Variants in KLF12 observed in about 807,000 individuals in gnomAD.
KLF12 encodes KLF transcription factor 12, also known as Krueppel-like factor 12.
In KLF12, 9 loss-of-function variants were observed where a neutral mutation model predicts 37.8. The observed-to-expected ratio is 0.24, with a 90% confidence interval of 0.14 to 0.42. The LOEUF (loss-of-function observed/expected upper bound fraction) is 0.42, where lower values mean the gene tolerates loss of function less well. Among genes scored for constraint, KLF12 ranks in the 10% least tolerant of loss-of-function variants. The probability of loss-of-function intolerance (pLI) is 1.00; values close to 1 mark genes in which losing one functional copy is unlikely to be tolerated. For synonymous variants in KLF12, 208 were observed against 202.1 expected (o/e 1.03, Z -0.25); for missense variants, 411 against 516.0 (o/e 0.80, Z 1.97).
At chr13:73,912,839 C>T (rs1022777209) in intron 3 of KLF12, among the ~76,000 whole-genome samples, 1 of 152,088 alleles carries the variant, frequency 6.6e-6, no homozygotes, top group African/African-American at 2.4e-5. Context: ...TTTTACATTC[C>T]TTCTACAATA....
chr13:73,703,743 C>T (rs946856706), intron 7 of KLF12, among the ~76,000 whole-genome samples: 5 of 152,160 alleles, frequency 3.3e-5, no homozygotes, highest in Non-Finnish European at 7.3e-5. Flanking sequence ...CCCCACTTCA[C>T]CCAGTGTCGT....
At chr13:73,879,327 G>A (rs1437908477) in intron 3 of KLF12, among the ~76,000 whole-genome samples, 2 of 152,178 alleles carry the variant, frequency 1.3e-5, no homozygotes, top group African/African-American at 2.4e-5. Context: ...GTTTGGTGAA[G>A]CCTTCCTTTA....
chr13:73,980,255 T>C (rs1033399315), intron 2 of KLF12, among the ~76,000 whole-genome samples: 10 of 152,140 alleles, frequency 6.6e-5, no homozygotes, highest in African/African-American at 2.4e-4. Context: ...AGTTCAAATT[T>C]TACCCACAAA....
the KLF12 span, among the ~76,000 whole-genome samples, chr13:74,169,899 G>C: frequency 6.6e-6 from 1 of 152,184 alleles, no homozygotes; most frequent in African/African-American, 2.4e-5. Flanking sequence ...AAGCAGCTGT[G>C]TTACACTGCC....
intron 2 of KLF12, among the ~76,000 whole-genome samples, chr13:73,984,421 G>A (rs544389208): frequency 3.4e-4 from 51 of 152,222 alleles, no homozygotes; most frequent in African/African-American, 1.0e-3. Context: ...AGGCCATGAC[G>A]CGTCTTGCTC....
At chr13:74,269,623 A>T in the KLF12 span, among the ~76,000 whole-genome samples, 368 of 152,318 alleles carry the variant, frequency 2.4e-3, 4 homozygotes, top group African/African-American at 8.2e-3. Flanking sequence ...AGAGAAGGAT[A>T]TATACAGATT....
the KLF12 span, among the ~76,000 whole-genome samples, chr13:74,176,018 C>A: frequency 6.6e-6 from 1 of 152,176 alleles, no homozygotes; most frequent in Admixed American, 6.5e-5. Flanking sequence ...CCAAGAAATT[C>A]CACTTCATGA....
At chr13:74,292,203 C>T in the KLF12 span, among the ~76,000 whole-genome samples, 1 of 152,174 alleles carries the variant, frequency 6.6e-6, no homozygotes, top group Non-Finnish European at 1.5e-5. Flanking sequence ...AGCTCTCTCT[C>T]TAGTAACAGC....
chr13:74,191,002 T>A, the KLF12 span, among the ~76,000 whole-genome samples: 1 of 152,328 alleles, frequency 6.6e-6, no homozygotes, highest in African/African-American at 2.4e-5. Context: ...TCTGGAAGCA[T>A]AGGGCACTGC....
chr13:74,014,066 G>C (rs1318543874), intron 1 of KLF12, among the ~76,000 whole-genome samples: 1 of 152,120 alleles, frequency 6.6e-6, no homozygotes, highest in Admixed American at 6.6e-5. Flanking sequence ...AGCATAACTT[G>C]CAGGGGGCAG....
chr13:73,816,038 C>T (rs1347652475), intron 4 of KLF12, among the ~76,000 whole-genome samples: 1 of 152,180 alleles, frequency 6.6e-6, no homozygotes, highest in Non-Finnish European at 1.5e-5. Flanking sequence ...AATACATCTG[C>T]TACCATCATG....
In KLF12 at chr13:74,126,617, T is replaced by C. The variant is rs1416949991; in HGVS notation, c.-32+7122A>G. 3.3e-5 allele frequency among the ~76,000 whole-genome samples: 5 copies of C among 152,232 alleles called. No homozygotes were observed. The East Asian group carries it at 7.7e-4, about 23-fold the overall frequency. On this transcript the variant is annotated intron_variant, in intron 1 of 7. Coordinates refer to ENST00000377669, the MANE Select transcript of KLF12 (RefSeq NM_007249.5). Reference sequence around the variant, plus strand: ...CTTTCATTTCCCCTTTTTCCACTTGTTTTGTTAAAATAAGGTAAAAAGCAA... The same window carrying C: ...CTTTCATTTCCCCTTTTTCCACTTGCTTTGTTAAAATAAGGTAAAAAGCAA...
At chr13:74,083,119 T>C (rs1875012657) in intron 1 of KLF12, among the ~76,000 whole-genome samples, 1 of 152,178 alleles carries the variant, frequency 6.6e-6, no homozygotes, top group Non-Finnish European at 1.5e-5. Context: ...TTTAAAAGCG[T>C]GGGGCCCACA....
chr13:73,697,684 T>C (rs960515830), intron 7 of KLF12, among the ~76,000 whole-genome samples: 1 of 152,186 alleles, frequency 6.6e-6, no homozygotes, highest in Non-Finnish European at 1.5e-5. Flanking sequence ...GCTGAGCTAG[T>C]TGGATGTTGG....
intron 1 of KLF12, among the ~76,000 whole-genome samples, chr13:74,011,220 C>G (rs1404895892): frequency 8.6e-6 from 1 of 116,636 alleles, no homozygotes; most frequent in African/African-American, 3.5e-5. Context: ...GACTCGATTT[C>G]AGAAAGCACA....
At chr13:74,134,811 T>C (rs1224495616), upstream of KLF12, among the ~76,000 whole-genome samples, 1 of 151,338 alleles carries the variant, frequency 6.6e-6, no homozygotes, top group Non-Finnish European at 1.5e-5. Context: ...CCAAAAAGCG[T>C]GCAGCCCGCT....
At chr13:74,029,420 A>G (rs909297257) in intron 1 of KLF12, among the ~76,000 whole-genome samples, 1 of 152,098 alleles carries the variant, frequency 6.6e-6, no homozygotes, top group South Asian at 2.1e-4. Context: ...GTAAATTAAA[A>G]TTTTAAGTTT....
chr13:74,230,677 C>G, the KLF12 span, among the ~76,000 whole-genome samples: 2 of 152,306 alleles, frequency 1.3e-5, no homozygotes, highest in Non-Finnish European at 1.5e-5. Flanking sequence ...GGGATGAATT[C>G]TACCCCGAGG....
At chr13:74,136,753 A>C (rs1165018243), upstream of KLF12, among the ~76,000 whole-genome samples, 1 of 151,482 alleles carries the variant, frequency 6.6e-6, no homozygotes, top group Non-Finnish European at 1.5e-5. Flanking sequence ...CAAGGTTAGT[A>C]TCTAGAGTCT....
Sources: allele counts gnomAD v4.1 joint callset (sites outside exome capture counted in the v4.1 genomes callset), GRCh38; gene constraint gnomAD v4.1.1; transcripts MANE v1.5; gene names NCBI Gene and HGNC (gene_info 2026-07-23, HGNC 2026-07-21).